Variants in ZNF385D observed in about 807,000 individuals in gnomAD.
ZNF385D encodes zinc finger protein 385D.
ZNF385D carries 15 observed loss-of-function variants against 35.8 expected under a neutral mutation model. That is an observed-to-expected ratio of 0.42 (90% CI 0.28 to 0.64). The LOEUF is 0.64. Ranked by LOEUF, ZNF385D falls within the 30% of genes least tolerant of loss-of-function variation. ZNF385D has a pLI of 0.23. For missense variants in ZNF385D, 474 were observed against 494.6 expected, an observed-to-expected ratio of 0.96 and a Z score of 0.39; for synonymous variants, 212 against 186.8, an observed-to-expected ratio of 1.13 and a Z score of -1.10.
At chr3:21,716,742 T>A (rs949634666) in intron 1 of ZNF385D, among the ~76,000 whole-genome samples, 1 of 152,290 alleles carries the variant, frequency 6.6e-6, no homozygotes, top group African/African-American at 2.4e-5. Flanking sequence ...TTGTTATATC[T>A]CCACTAAAAT....
chr3:21,871,003 C>G (rs1697662664), intron 3 of ZNF385D, among the ~76,000 whole-genome samples: 1 of 152,124 alleles, frequency 6.6e-6, no homozygotes, highest in Non-Finnish European at 1.5e-5. Flanking sequence ...CACTTATCTG[C>G]TAAAAACTAA....
At chr3:22,151,109 T>A (rs756124467) in intron 3 of ZNF385D, among the ~76,000 whole-genome samples, 50 of 152,170 alleles carry the variant, frequency 3.3e-4, no homozygotes, top group Non-Finnish European at 5.9e-4. Flanking sequence ...GGATGTGTCT[T>A]CCCTTATGCC....
At chr3:22,064,853 T>C (rs999017970) in intron 3 of ZNF385D, among the ~76,000 whole-genome samples, 1 of 152,174 alleles carries the variant, frequency 6.6e-6, no homozygotes, top group African/African-American at 2.4e-5. Flanking sequence ...GAAGAATCTT[T>C]AGTGATCTAT....
intron 2 of ZNF385D, among the ~76,000 whole-genome samples, chr3:22,308,734 A>G (rs1703373790): frequency 6.6e-6 from 1 of 152,134 alleles, no homozygotes; most frequent in Non-Finnish European, 1.5e-5. Context: ...GTAGTGGCCA[A>G]AAGAGGCCAT....
intron 3 of ZNF385D, among the ~76,000 whole-genome samples, chr3:22,117,124 T>A (rs898650045): frequency 6.6e-6 from 1 of 152,038 alleles, no homozygotes; most frequent in African/African-American, 2.4e-5. Context: ...GGTGAGGCTT[T>A]ATGTCATGGT....
chr3:21,592,934 T>G (rs1037604468), intron 2 of ZNF385D, among the ~76,000 whole-genome samples: 43 of 152,286 alleles, frequency 2.8e-4, no homozygotes, highest in African/African-American at 9.1e-4. Context: ...TCCCTACACC[T>G]GCTACAGGGC....
chr3:21,648,922 C>A, intron 2 of ZNF385D, among the ~76,000 whole-genome samples: 1 of 152,024 alleles, frequency 6.6e-6, no homozygotes, highest in East Asian at 1.9e-4. Flanking sequence ...GTAGTATTAT[C>A]TCCATTTTAC....
At chr3:21,819,043 T>C (rs1240767152) in intron 3 of ZNF385D, among the ~76,000 whole-genome samples, 34 of 152,028 alleles carry the variant, frequency 2.2e-4, no homozygotes, top group Admixed American at 2.2e-3. Context: ...AAAAGTGTTC[T>C]TGTTATTAAC....
At chr3:21,956,324 C>A (rs1229961256) in intron 3 of ZNF385D, among the ~76,000 whole-genome samples, 1 of 152,036 alleles carries the variant, frequency 6.6e-6, no homozygotes. Flanking sequence ...TGTATAGGGG[C>A]TTCCTTTACA....
intron 3 of ZNF385D, among the ~76,000 whole-genome samples, chr3:21,774,298 C>T (rs2071199272): frequency 6.6e-6 from 1 of 150,418 alleles, no homozygotes; most frequent in African/African-American, 2.4e-5. Flanking sequence ...GGAGGGAGAG[C>T]ATCAGGGAGA....
chr3:22,032,042 G>C (rs555487356), intron 3 of ZNF385D, among the ~76,000 whole-genome samples: 1 of 152,322 alleles, frequency 6.6e-6, no homozygotes, highest in African/African-American at 2.4e-5. Flanking sequence ...CATAGCAAGA[G>C]TGACCTTTGC....
At chr3:22,200,884 G>T (rs1023177026) in intron 2 of ZNF385D, among the ~76,000 whole-genome samples, 1 of 152,122 alleles carries the variant, frequency 6.6e-6, no homozygotes, top group Non-Finnish European at 1.5e-5. Flanking sequence ...CTCACCAGCG[G>T]TCAGAGTGTA....
chr3:22,105,778 C>A lies in ZNF385D; in HGVS notation c.325+63039G>T, dbSNP rs113306919. Among the ~76,000 whole-genome samples, 8 of 152,196 alleles carry A rather than the reference C, an allele frequency of 5.3e-5. 1 individual carries two copies. The highest frequency in any genetic ancestry group is 1.9e-4 in the African/African-American group (8 of 41,548). ...GGGAGGGCCATCTGCTTTACTCAGTCCAATTCCAAAGGTGCTGTTTTTGAG... is the reference window on the plus strand; with the variant it reads ...GGGAGGGCCATCTGCTTTACTCAGTACAATTCCAAAGGTGCTGTTTTTGAG... On this transcript the variant is annotated intron_variant, in intron 3 of 5. Transcript: ENST00000494108.
At chr3:22,234,927 A>G (rs1699093116) in intron 2 of ZNF385D, among the ~76,000 whole-genome samples, 1 of 152,078 alleles carries the variant, frequency 6.6e-6, no homozygotes. Flanking sequence ...ATATTTAGCC[A>G]GGCAAAATAT....
At chr3:21,531,841 C>T (rs923647101) in intron 3 of ZNF385D, among the ~76,000 whole-genome samples, 2 of 152,138 alleles carry the variant, frequency 1.3e-5, no homozygotes, top group African/African-American at 2.4e-5. Flanking sequence ...TCTGCTCAAA[C>T]CCATAGAATA....
chr3:21,431,938 C>A (rs1015813000), intron 5 of ZNF385D, among the ~76,000 whole-genome samples: 1 of 152,128 alleles, frequency 6.6e-6, no homozygotes, highest in Non-Finnish European at 1.5e-5. Context: ...AAGACAATGA[C>A]TAGGTCTTGC....
At position 21,751,204 on chromosome 3, in the gene ZNF385D, C is replaced by A. The variant is rs1264423569; in HGVS notation, c.-288G>T. 3.0e-6 allele frequency: 4 copies of A among 1,351,192 alleles called. No homozygotes were observed. In the East Asian group the frequency reaches 1.2e-4, roughly 42 times the overall value. The allele number at this position is 1,351,192 out of a possible 1,614,324, so 83.7% of individuals were successfully genotyped here. A position where few individuals can be genotyped will look rare whatever the true frequency, so the allele number is the denominator to read the frequency against. On this transcript the variant is annotated 5_prime_UTR_variant, in exon 1 of 8. Coordinates refer to ENST00000281523, the MANE Select transcript of ZNF385D (RefSeq NM_024697.3). ...GATGTCCTTGCCGCGCCTGTGACATCAGGACTGAGAGTACTACAAGCAGAC... is the reference window on the plus strand; with the variant it reads ...GATGTCCTTGCCGCGCCTGTGACATAAGGACTGAGAGTACTACAAGCAGAC...
chr3:21,780,752 T>C (rs911481889), intron 3 of ZNF385D, among the ~76,000 whole-genome samples: 3 of 152,088 alleles, frequency 2.0e-5, no homozygotes, highest in Non-Finnish European at 2.9e-5. Context: ...CAAATCATTT[T>C]TGTTCAACTT....
chr3:22,372,162 G>T (rs956723443), intron 2 of ZNF385D, among the ~76,000 whole-genome samples: 6 of 152,020 alleles, frequency 3.9e-5, no homozygotes, highest in Admixed American at 1.3e-4. Context: ...TCTCGGCAAT[G>T]AGCTGTGACC....
Sources: allele counts gnomAD v4.1 joint callset (sites outside exome capture counted in the v4.1 genomes callset), GRCh38; gene constraint gnomAD v4.1.1; transcripts MANE v1.5; gene names NCBI Gene and HGNC (gene_info 2026-07-23, HGNC 2026-07-21).